The following SMIM21 variants were observed in gnomAD, a reference collection of about 807,000 sequenced individuals.
SMIM21 encodes small integral membrane protein 21.
In SMIM21, 8 loss-of-function variants were observed where a neutral mutation model predicts 8.6. The ratio of observed to expected loss-of-function variants is 0.93; its 90% confidence interval spans 0.55 to 1.68. SMIM21 has a LOEUF of 1.68. Among genes scored for constraint, SMIM21 ranks in the 40% most tolerant of loss-of-function variants. SMIM21 has a pLI of 0.00. For synonymous variants in SMIM21, 43 were observed against 41.7 expected, an observed-to-expected ratio of 1.03 and a Z score of -0.12; for missense variants, 132 against 123.0, an observed-to-expected ratio of 1.07 and a Z score of -0.35.
chr18:75,425,103 A>T (rs1314185615), intron 1 of SMIM21, among the ~76,000 whole-genome samples: 2 of 152,190 alleles, frequency 1.3e-5, no homozygotes, highest in African/African-American at 2.4e-5. Context: ...CTCAGCTGAC[A>T]CAACTCCAGT....
chr18:75,411,480 G>C (rs1404937836), intron 2 of SMIM21, among the ~76,000 whole-genome samples: 2 of 152,222 alleles, frequency 1.3e-5, no homozygotes, highest in East Asian at 1.9e-4. Context: ...TGGAAGATGA[G>C]ACTGTGAGAT....
intron 2 of SMIM21, among the ~76,000 whole-genome samples, chr18:75,414,551 G>C (rs553352152): frequency 1.3e-4 from 20 of 152,104 alleles, no homozygotes; most frequent in Non-Finnish European, 2.5e-4. Flanking sequence ...ATTACCTCTG[G>C]GGCCCAGGGG....
chr18:75,425,587 C>T (rs1037069420), intron 1 of SMIM21, among the ~76,000 whole-genome samples: 1 of 152,136 alleles, frequency 6.6e-6, no homozygotes, highest in Middle Eastern at 3.2e-3. Flanking sequence ...GTGTTGTTTT[C>T]CTTGTCAACA....
At chr18:75,411,945 G>A (rs942840483) in intron 2 of SMIM21, among the ~76,000 whole-genome samples, 11 of 152,186 alleles carry the variant, frequency 7.2e-5, no homozygotes, top group East Asian at 3.8e-4. Context: ...CCTGCAGGCC[G>A]AGACAGGTAG....
intron 1 of SMIM21, among the ~76,000 whole-genome samples, chr18:75,419,963 G>A (rs1383231243): frequency 6.6e-6 from 1 of 152,116 alleles, no homozygotes; most frequent in East Asian, 1.9e-4. Flanking sequence ...ACTAGATGAA[G>A]CAAAAGTTGT....
chr18:75,424,297 A>G (rs1372745863), intron 1 of SMIM21, among the ~76,000 whole-genome samples: 1 of 152,240 alleles, frequency 6.6e-6, no homozygotes, highest in Non-Finnish European at 1.5e-5. Context: ...TGGAATATTT[A>G]CTTTTCCTTC....
chr18:75,412,568 T>A (rs2024595232), intron 2 of SMIM21: 2 of 152,248 alleles, frequency 1.3e-5, no homozygotes, highest in Non-Finnish European at 2.9e-5. Context: ...GACCATCATC[T>A]GAGGAGGTAT....
intron 1 of SMIM21, among the ~76,000 whole-genome samples, chr18:75,426,026 C>T (rs2024757606): frequency 6.6e-6 from 1 of 152,076 alleles, no homozygotes; most frequent in South Asian, 2.1e-4. Context: ...CACCGAGTGC[C>T]TCCTGAGTCA....
intron 2 of SMIM21, among the ~76,000 whole-genome samples, chr18:75,414,098 T>TAC (rs797004830): frequency 0.034 from 1,735 of 51,276 alleles, 32 homozygotes; most frequent in African/African-American, 0.16. Context: ...CACACACACA[T>TAC]ACACACACAC....
chr18:75,412,196 G>A (rs562503400), intron 2 of SMIM21, among the ~76,000 whole-genome samples: 13 of 152,216 alleles, frequency 8.5e-5, no homozygotes, highest in African/African-American at 2.4e-4. Context: ...GAGAGGGCAA[G>A]TACATGTGAA....
chr18:75,413,555 A>G lies in SMIM21; in HGVS notation c.261-2646T>C, dbSNP rs557932097. On this transcript the variant is annotated intron_variant, in intron 2 of 2. Transcript: ENST00000579022. ...TTTAATGATTCCCATTGCTCTTAGG[A>G]TATTAGTATAAAACAGGACACATAA... Among the ~76,000 whole-genome samples, 103 of 152,272 alleles carry G rather than the reference A, an allele frequency of 6.8e-4. No homozygotes were observed. In the South Asian group the frequency reaches 0.011, roughly 17 times the overall value.
intron 2 of SMIM21, chr18:75,418,089 C>T (rs1045141566): frequency 5.0e-6 from 2 of 397,590 alleles, no homozygotes; most frequent in African/African-American, 4.1e-5. Flanking sequence ...AACTTGGCTG[C>T]TCATGTGAGT....
intron 1 of SMIM21, among the ~76,000 whole-genome samples, chr18:75,419,675 A>T (rs1568153816): frequency 6.6e-6 from 1 of 152,258 alleles, no homozygotes; most frequent in Non-Finnish European, 1.5e-5. Flanking sequence ...AACAATAAAC[A>T]CATAGCAAAT....
At chr18:75,413,236 G>A (rs1378781412) in intron 2 of SMIM21, among the ~76,000 whole-genome samples, 1 of 152,154 alleles carries the variant, frequency 6.6e-6, no homozygotes, top group African/African-American at 2.4e-5. Context: ...TGAGCCTCCA[G>A]AGCCCTAGCC....
At chr18:75,425,712 G>A (rs1349882718) in intron 1 of SMIM21, among the ~76,000 whole-genome samples, 1 of 152,196 alleles carries the variant, frequency 6.6e-6, no homozygotes, top group Non-Finnish European at 1.5e-5. Context: ...AGCAGTGGAT[G>A]AAAATAGCAG....
At chr18:75,425,131 G>T (rs11872417) in intron 1 of SMIM21, among the ~76,000 whole-genome samples, 181 of 152,310 alleles carry the variant, frequency 1.2e-3, no homozygotes, top group African/African-American at 3.9e-3. Context: ...GCTGTCTGTT[G>T]TACTGGAACC....
intron 2 of SMIM21, 149 bp from the exon 3 acceptor site, chr18:75,411,058 G>A (rs1404225140): frequency 1.7e-6 from 2 of 1,180,760 alleles, no homozygotes; most frequent in African/African-American, 3.0e-5. Context: ...TTTTGAGGCT[G>A]AGGATTATAC....
chr18:75,415,808 A>C (rs1456810501), intron 2 of SMIM21, among the ~76,000 whole-genome samples: 3 of 152,256 alleles, frequency 2.0e-5, no homozygotes, highest in Non-Finnish European at 2.9e-5. Flanking sequence ...TCACTTTAGT[A>C]GCTACATAAT....
rs188071762 is a variant in SMIM21 at position 75,427,620 on chromosome 18, A to T, written c.-57T>A. ...CTCCTTGATGACAGCGACTCTGAGG[A>T]CACAGAGCTGGTGCTATAAGACCTG... On this transcript the variant is annotated 5_prime_UTR_variant, in exon 1 of 3. Transcript: ENST00000579022. 75 of 1,512,132 alleles carry T rather than the reference A, an allele frequency of 5.0e-5. No homozygotes were observed. The African/African-American group carries it at 8.1e-4, about 16-fold the overall frequency. The allele number at this position is 1,512,132 out of a possible 1,614,324, so 93.7% of individuals were successfully genotyped here.
Sources: gnomAD v4.1 joint callset for allele counts (sites outside exome capture counted in the v4.1 genomes callset) on GRCh38, gnomAD v4.1.1 for gene constraint, MANE v1.5 for transcripts, NCBI Gene and HGNC (gene_info 2026-07-23, HGNC 2026-07-21) for gene names.